LRMDA: variants seen among roughly 807,000 people sequenced by gnomAD.
LRMDA encodes leucine rich melanocyte differentiation associated, also known as leucine-rich melanocyte differentiation-associated protein.
LRMDA carries 18 observed loss-of-function variants against 29.8 expected under a neutral mutation model. The ratio of observed to expected loss-of-function variants is 0.60; its 90% CI spans 0.42 to 0.90. The LOEUF is 0.90. LRMDA is among the 40% of genes least tolerant of loss of function. The pLI is 0.00. For missense variants in LRMDA, 273 were observed against 273.9 expected (o/e 1.00, Z 0.02); for synonymous variants, 125 against 109.4 (o/e 1.14, Z -0.89).
chr10:76,067,737 C>A (rs1848807897), intron 5 of LRMDA, among the ~76,000 whole-genome samples: 1 of 152,122 alleles, frequency 6.6e-6, no homozygotes, highest in African/African-American at 2.4e-5. Context: ...GTTGGAAATG[C>A]AGGGGCAACT....
intron 5 of LRMDA, among the ~76,000 whole-genome samples, chr10:76,203,440 C>A (rs372825180): frequency 6.6e-5 from 10 of 152,178 alleles, no homozygotes; most frequent in African/African-American, 2.4e-4. Flanking sequence ...CTGTCCCTGG[C>A]CCAAAGTATT....
intron 6 of LRMDA, among the ~76,000 whole-genome samples, chr10:76,512,717 C>T (rs1014963367): frequency 3.3e-5 from 5 of 152,002 alleles, no homozygotes; most frequent in African/African-American, 1.2e-4. Flanking sequence ...AAATAGTGAC[C>T]CTTAGAATCA....
intron 2 of LRMDA, among the ~76,000 whole-genome samples, chr10:76,014,075 A>G (rs1163391891): frequency 7.9e-6 from 1 of 126,912 alleles, no homozygotes; most frequent in African/African-American, 3.0e-5. Flanking sequence ...TCAGCCCAAT[A>G]TGGTCTGCTG....
intron 2 of LRMDA, among the ~76,000 whole-genome samples, chr10:75,920,062 A>G (rs1337654601): frequency 6.6e-6 from 1 of 152,092 alleles, no homozygotes; most frequent in African/African-American, 2.4e-5. Flanking sequence ...TCTGCAGCTG[A>G]ACACTCAATG....
intron 6 of LRMDA, among the ~76,000 whole-genome samples, chr10:76,364,621 T>G (rs1841366957): frequency 6.6e-6 from 1 of 151,990 alleles, no homozygotes; most frequent in Non-Finnish European, 1.5e-5. Flanking sequence ...GGATATTAAT[T>G]AAATCTTTGC....
At chr10:76,351,199 AGCT>A (rs1184435895) in intron 6 of LRMDA, among the ~76,000 whole-genome samples, 1 of 152,172 alleles carries the variant, frequency 6.6e-6, no homozygotes, top group East Asian at 1.9e-4. Context: ...TGAAGGATGC[AGCT>A]CCACGCATTG....
intron 5 of LRMDA, among the ~76,000 whole-genome samples, chr10:76,323,688 T>C (rs2579778): frequency 0.59 from 90,381 of 151,996 alleles, 30,792 homozygotes; most frequent in Non-Finnish European, 0.79. Context: ...AAGAGAGCCT[T>C]AGCAGCCTGG....
At position 75,708,760 on chromosome 10, in the gene LRMDA, C is replaced by T. The variant is rs185815228; in HGVS notation, c.131+270266C>T. 9.2e-5 allele frequency among the ~76,000 whole-genome samples: 14 copies of T among 152,320 alleles called. No homozygotes were observed. The East Asian group carries it at 9.6e-4, about 10-fold the overall frequency. ...AAAGGAACATCCTGCAACTTTGGAACGAGCAAGGGTTTCTAAATTAGTGGT... is the reference window on the plus strand; with the variant it reads ...AAAGGAACATCCTGCAACTTTGGAATGAGCAAGGGTTTCTAAATTAGTGGT... On this transcript the variant is annotated intron_variant, in intron 2 of 6. Transcript: ENST00000611255.
intron 5 of LRMDA, among the ~76,000 whole-genome samples, chr10:76,151,188 T>C (rs1019720432): frequency 2.6e-5 from 4 of 152,212 alleles, no homozygotes; most frequent in Non-Finnish European, 5.9e-5. Context: ...TGTCAGCTTT[T>C]GGTGACTTTT....
intron 5 of LRMDA, among the ~76,000 whole-genome samples, chr10:76,254,740 A>G (rs763067447): frequency 3.3e-5 from 5 of 152,010 alleles, no homozygotes; most frequent in African/African-American, 9.7e-5. Flanking sequence ...TATTGGAAAT[A>G]CCTTTCTTTT....
chr10:75,720,221 A>G (rs1338662256), intron 2 of LRMDA, among the ~76,000 whole-genome samples: 1 of 152,210 alleles, frequency 6.6e-6, no homozygotes. Flanking sequence ...AAAATTATAT[A>G]CATGGGAAGG....
At chr10:75,796,087 T>C (rs1843647524) in intron 2 of LRMDA, among the ~76,000 whole-genome samples, 1 of 152,188 alleles carries the variant, frequency 6.6e-6, no homozygotes. Context: ...ACTTCTAGTA[T>C]TTGGTTTTTA....
intron 2 of LRMDA, among the ~76,000 whole-genome samples, chr10:75,834,916 G>A (rs1564581195): frequency 1.3e-5 from 2 of 152,190 alleles, no homozygotes; most frequent in Admixed American, 1.3e-4. Context: ...TCTACTAACA[G>A]CCTGTTCAAG....
chr10:76,007,491 A>G (rs1316723851), intron 2 of LRMDA, among the ~76,000 whole-genome samples: 4 of 152,132 alleles, frequency 2.6e-5, no homozygotes, highest in Non-Finnish European at 2.9e-5. Flanking sequence ...CCCTCTCCCC[A>G]TGCTGGCCTT....
At chr10:75,493,348 G>GTGT (rs1774093324) in intron 2 of LRMDA, among the ~76,000 whole-genome samples, 10 of 133,268 alleles carry the variant, frequency 7.5e-5, no homozygotes, top group Admixed American at 3.0e-4. Flanking sequence ...GTTGAGATTG[G>GTGT]GTGTGTGTGT....
intron 6 of LRMDA, among the ~76,000 whole-genome samples, chr10:76,493,834 A>G (rs1176212475): frequency 3.3e-5 from 5 of 152,068 alleles, no homozygotes; most frequent in Non-Finnish European, 7.4e-5. Flanking sequence ...GAGTAATATT[A>G]AAATATTGTT....
At chr10:75,746,731 G>C (rs535097305) in intron 2 of LRMDA, among the ~76,000 whole-genome samples, 2 of 152,206 alleles carry the variant, frequency 1.3e-5, no homozygotes, top group Admixed American at 6.5e-5. Context: ...TATTTTTGGG[G>C]GGGGAGCTTA....
At chr10:76,073,433 T>C (rs1255011468) in intron 5 of LRMDA, among the ~76,000 whole-genome samples, 1 of 152,248 alleles carries the variant, frequency 6.6e-6, no homozygotes, top group African/African-American at 2.4e-5. Flanking sequence ...AATATATTCT[T>C]TCTATGGACT....
At chr10:75,782,814 C>A in intron 2 of LRMDA, 1 of 1,452,810 alleles carries the variant, frequency 6.9e-7, no homozygotes, top group Non-Finnish European at 9.1e-7. Flanking sequence ...TGTTGAGAAC[C>A]TTTAGCCAGC....
Sources: gnomAD v4.1 joint callset for allele counts (sites outside exome capture counted in the v4.1 genomes callset) on GRCh38, gnomAD v4.1.1 for gene constraint, MANE v1.5 for transcripts, NCBI Gene and HGNC (gene_info 2026-07-23, HGNC 2026-07-21) for gene names.